Variants in AGMO observed in about 807,000 individuals in gnomAD.
AGMO encodes the protein alkylglycerol monooxygenase.
AGMO carries 75 observed loss-of-function variants against 60.2 expected under a neutral mutation model. That is an observed-to-expected ratio of 1.25 (90% CI 1.03 to 1.51). AGMO has a LOEUF of 1.51. Among genes scored for constraint, AGMO ranks in the 40% most tolerant of loss-of-function variants. AGMO has a pLI of 0.00. For missense variants in AGMO, 763 were observed against 525.5 expected (o/e 1.45, Z -4.42); for synonymous variants, 261 against 177.1 (o/e 1.47, Z -3.76).
chr7:15,358,812 G>T (rs554898346), intron 12 of AGMO, among the ~76,000 whole-genome samples: 1 of 152,120 alleles, frequency 6.6e-6, no homozygotes, highest in East Asian at 1.9e-4. Context: ...TGTTCTACCT[G>T]TCTTAATTTT....
At chr7:15,263,821 C>T (rs192439708) in intron 12 of AGMO, among the ~76,000 whole-genome samples, 4 of 152,218 alleles carry the variant, frequency 2.6e-5, no homozygotes, top group African/African-American at 9.6e-5. Context: ...GAATGGAAAA[C>T]CAAACATCGT....
intron 3 of AGMO, among the ~76,000 whole-genome samples, chr7:15,519,459 T>G (rs1383505644): frequency 2.0e-5 from 3 of 152,188 alleles, no homozygotes; most frequent in African/African-American, 7.2e-5. Context: ...AGCAGATCTC[T>G]CTGCAGAAAC....
chr7:15,371,753 G>C (rs1046028797), intron 10 of AGMO, among the ~76,000 whole-genome samples: 2 of 151,624 alleles, frequency 1.3e-5, no homozygotes, highest in Non-Finnish European at 2.9e-5. Flanking sequence ...ACATTGTCCA[G>C]GCTGGTCTCA....
At chr7:15,237,624 A>G (rs1321764529) in intron 12 of AGMO, among the ~76,000 whole-genome samples, 2 of 152,090 alleles carry the variant, frequency 1.3e-5, no homozygotes, top group Non-Finnish European at 1.5e-5. Context: ...ATAAATCAAG[A>G]TAAAAGTTAG....
intron 12 of AGMO, among the ~76,000 whole-genome samples, chr7:15,206,432 T>C (rs191203789): frequency 1.7e-3 from 263 of 152,236 alleles, no homozygotes; most frequent in South Asian, 3.9e-3. Flanking sequence ...TTTGAAATCT[T>C]GCATTATCTC....
intron 3 of AGMO, among the ~76,000 whole-genome samples, chr7:15,437,994 T>G (rs1357078729): frequency 6.6e-6 from 1 of 152,172 alleles, no homozygotes; most frequent in African/African-American, 2.4e-5. Context: ...TTTTCTTTTT[T>G]ATTCGTGTTC....
At chr7:15,393,236 G>C (rs566438474) in intron 6 of AGMO, among the ~76,000 whole-genome samples, 6 of 152,338 alleles carry the variant, frequency 3.9e-5, no homozygotes, top group Non-Finnish European at 8.8e-5. Context: ...CTGCCATAAA[G>C]ATAGGGACCT....
chr7:15,232,269 T>C (rs1259670707), intron 12 of AGMO, among the ~76,000 whole-genome samples: 1 of 152,192 alleles, frequency 6.6e-6, no homozygotes, highest in Admixed American at 6.5e-5. Context: ...ACATGGGAAG[T>C]GGAGGTGCCA....
the AGMO span, among the ~76,000 whole-genome samples, chr7:15,152,569 C>G: frequency 3.3e-5 from 5 of 152,040 alleles, no homozygotes; most frequent in African/African-American, 1.2e-4. Context: ...AGCTTAACTC[C>G]CAATTATGAG....
rs149687079 is a variant in AGMO, at chr7:15,368,919, C to G, written c.1075-2697G>C. On this transcript the variant is annotated intron_variant, in intron 10 of 12. Transcript: ENST00000342526. Reference sequence around the variant, plus strand: ...GGAATCCACCACCTAGTCAACATCTCTAACTGGTGAACGGGCAACTGAAAC... The same window carrying G: ...GGAATCCACCACCTAGTCAACATCTGTAACTGGTGAACGGGCAACTGAAAC... Among the ~76,000 whole-genome samples the G allele has an allele frequency of 3.4e-3, 519 of 152,214 alleles. 3 individuals are homozygous for G. The highest frequency in any genetic ancestry group is 4.1e-3 in the Non-Finnish European group (277 of 67,984).
At chr7:15,431,716 T>C (rs575150720) in intron 3 of AGMO, among the ~76,000 whole-genome samples, 14 of 151,914 alleles carry the variant, frequency 9.2e-5, no homozygotes, top group Admixed American at 3.3e-4. Flanking sequence ...TTCCCATACC[T>C]TACCAAAATA....
At chr7:15,309,148 T>C (rs896580527) in intron 12 of AGMO, among the ~76,000 whole-genome samples, 4 of 152,102 alleles carry the variant, frequency 2.6e-5, no homozygotes, top group African/African-American at 9.7e-5. Context: ...ACATGGCCTT[T>C]ATAGGAAGAC....
chr7:15,309,006 A>C (rs570752600), intron 12 of AGMO, among the ~76,000 whole-genome samples: 3 of 152,292 alleles, frequency 2.0e-5, no homozygotes, highest in African/African-American at 7.2e-5. Flanking sequence ...AAGCAACTTT[A>C]CTACTCATGC....
At chr7:15,205,719 T>C (rs777129431) in intron 12 of AGMO, among the ~76,000 whole-genome samples, 5 of 152,152 alleles carry the variant, frequency 3.3e-5, no homozygotes, top group Non-Finnish European at 7.4e-5. Flanking sequence ...TAGTGAATTA[T>C]ATGTTTTCAG....
chr7:15,519,294 G>T (rs566241074), intron 3 of AGMO, among the ~76,000 whole-genome samples: 3 of 150,766 alleles, frequency 2.0e-5, no homozygotes, highest in Non-Finnish European at 4.4e-5. Context: ...TCAAATTCAG[G>T]AAATACAGAG....
At chr7:15,314,121 C>T (rs1780844838) in intron 12 of AGMO, among the ~76,000 whole-genome samples, 2 of 151,862 alleles carry the variant, frequency 1.3e-5, no homozygotes, top group South Asian at 2.1e-4. Flanking sequence ...GACTGATGGA[C>T]AGGTAGCATA....
chr7:15,443,111 C>T (rs141874690), intron 3 of AGMO, among the ~76,000 whole-genome samples: 18 of 152,340 alleles, frequency 1.2e-4, no homozygotes, highest in African/African-American at 3.6e-4. Context: ...TCCAAGTCCA[C>T]GTGTGTTCCA....
chr7:15,317,567 C>A (rs886894233), intron 12 of AGMO, among the ~76,000 whole-genome samples: 1 of 152,042 alleles, frequency 6.6e-6, no homozygotes, highest in Non-Finnish European at 1.5e-5. Flanking sequence ...AAATTTCTTA[C>A]CATTTTAAAC....
chr7:15,478,432 C>A (rs1439850147), intron 3 of AGMO, among the ~76,000 whole-genome samples: 1 of 152,130 alleles, frequency 6.6e-6, no homozygotes, highest in Non-Finnish European at 1.5e-5. Context: ...TGTTTAACTG[C>A]TTTATCCTTT....
Sources: allele counts gnomAD v4.1 joint callset (sites outside exome capture counted in the v4.1 genomes callset), GRCh38; gene constraint gnomAD v4.1.1; transcripts MANE v1.5; gene names NCBI Gene and HGNC (gene_info 2026-07-23, HGNC 2026-07-21).